The following ELP1 variants were observed in gnomAD, a reference collection of about 807,000 sequenced individuals.
ELP1 encodes the protein elongator complex protein 1.
ELP1 carries 131 observed loss-of-function variants against 183.2 expected under a neutral mutation model. The ratio of observed to expected loss-of-function variants is 0.72; its 90% CI spans 0.62 to 0.83. ELP1 has a LOEUF of 0.83. Ranked by LOEUF, ELP1 falls within the 40% of genes least tolerant of loss-of-function variation. The probability of loss-of-function intolerance (pLI) is 0.00; values close to 1 mark genes in which losing one functional copy is unlikely to be tolerated. For missense variants in ELP1, 1,550 were observed against 1,594.9 expected, an observed-to-expected ratio of 0.97 and a Z score of 0.48; for synonymous variants, 555 against 569.0, an observed-to-expected ratio of 0.98 and a Z score of 0.35.
chr9:108,930,526 T>C (rs902734686), intron 2 of ELP1, among the ~76,000 whole-genome samples: 1 of 151,782 alleles, frequency 6.6e-6, no homozygotes, highest in African/African-American at 2.4e-5. Flanking sequence ...GCACATCTAC[T>C]AAAAATACAA....
At chr9:108,900,235 T>C in intron 19 of ELP1, 25 bp downstream of exon 19, 2 of 1,480,314 alleles carry the variant, frequency 1.4e-6, no homozygotes, top group Non-Finnish European at 1.9e-6. Flanking sequence ...TCAGACTATC[T>C]ATCTTGTCTG....
intron 29 of ELP1, among the ~76,000 whole-genome samples, chr9:108,882,594 CTTTT>C (rs534835923): frequency 4.3e-4 from 59 of 136,578 alleles, no homozygotes; most frequent in African/African-American, 1.5e-3. Flanking sequence ...TTTTTTTGTT[CTTTT>C]TTTTTTTTTT....
chr9:108,918,100 C>T (rs925205325), intron 8 of ELP1, among the ~76,000 whole-genome samples: 1 of 152,194 alleles, frequency 6.6e-6, no homozygotes, highest in African/African-American at 2.4e-5. Flanking sequence ...TTGAAAACAT[C>T]TTAATTGCCT....
At chr9:108,930,690 C>CAAAAA (rs5899828) in intron 2 of ELP1, among the ~76,000 whole-genome samples, 1 of 72,600 alleles carries the variant, frequency 1.4e-5, no homozygotes, top group Non-Finnish European at 2.7e-5. Context: ...GACTCCGTCT[C>CAAAAA]AAAAAAAAAA....
intron 14 of ELP1, 58 bp downstream of exon 14, chr9:108,906,245 A>G (rs1829013601): frequency 6.3e-7 from 1 of 1,574,924 alleles, no homozygotes; most frequent in African/African-American, 1.3e-5. Context: ...TGCTCATAAA[A>G]GACAAAAACC....
intron 27 of ELP1, among the ~76,000 whole-genome samples, chr9:108,892,632 T>TA (rs1188089855): frequency 1.3e-5 from 2 of 152,026 alleles, no homozygotes; most frequent in Non-Finnish European, 2.9e-5. Context: ...GTGTGGTATA[T>TA]AAAAAAAGCT....
intron 10 of ELP1, 41 bp downstream of exon 10, chr9:108,916,163 G>A (rs759628823): frequency 8.9e-6 from 13 of 1,467,912 alleles, no homozygotes; most frequent in Non-Finnish European, 1.2e-5. Flanking sequence ...TTTCAACTAC[G>A]TTTTATGGGG....
At position 108,911,914 on chromosome 9, in the gene ELP1, T is replaced by G. The variant is rs952159063; in HGVS notation, c.1189+350A>C. 2.0e-5 allele frequency among the ~76,000 whole-genome samples: 3 copies of G among 152,126 alleles called. 1 individual carries two copies. The highest frequency in any genetic ancestry group is 2.0e-4 in the Admixed American group (3 of 15,268). On this transcript the variant is annotated intron_variant, in intron 11 of 36. Transcript: ENST00000374647. Reference sequence around the variant, plus strand: ...CAAGTGGGGTGGTATAAGGGTCAATTATAAATCTGTGTCAGGGCAAACAGA... The same window carrying G: ...CAAGTGGGGTGGTATAAGGGTCAATGATAAATCTGTGTCAGGGCAAACAGA...
At chr9:108,884,333 C>A (rs539367027) in intron 29 of ELP1, among the ~76,000 whole-genome samples, 1 of 152,208 alleles carries the variant, frequency 6.6e-6, no homozygotes, top group African/African-American at 2.4e-5. Flanking sequence ...CTTTCCCAGT[C>A]ATTGATAGAG....
At chr9:108,879,395 T>A (rs773496746) in intron 33 of ELP1, 51 bp downstream of exon 33, 61 of 1,371,016 alleles carry the variant, frequency 4.4e-5, no homozygotes, top group Non-Finnish European at 3.2e-5. Flanking sequence ...GCTTCCACTT[T>A]CCCTATATGC....
At chr9:108,877,816 C>A (rs1827758005) in intron 35 of ELP1, among the ~76,000 whole-genome samples, 179 bp downstream of exon 35, 1 of 152,208 alleles carries the variant, frequency 6.6e-6, no homozygotes, top group Non-Finnish European at 1.5e-5. Flanking sequence ...CCAAGGTATA[C>A]TAGTCACTCT....
At chr9:108,884,216 T>A (rs1047170922) in intron 29 of ELP1, among the ~76,000 whole-genome samples, 1 of 152,164 alleles carries the variant, frequency 6.6e-6, no homozygotes, top group Admixed American at 6.5e-5. Flanking sequence ...AATACATCTA[T>A]AACATACTCA....
chr9:108,879,520 G>C lies in ELP1; in HGVS notation c.3498C>G (p.Phe1166Leu), dbSNP rs764005359. 4 of 1,614,118 alleles carry C rather than the reference G, an allele frequency of 2.5e-6. No individual in the cohort carries two copies. The highest frequency in any genetic ancestry group is 3.4e-6 in the Non-Finnish European group (4 of 1,179,978). Residue 1166 changes from phenylalanine (F) to leucine (L), a missense_variant, in exon 33 of 37, where the codon TTC (phenylalanine) becomes TTG (leucine). Transcript: ENST00000374647. ...EVPHGQESDL[F>L]SETSSVVSGS... ...CACTCACGACACTGCTAGTTTCAGA[G>C]AAGAGGTCTGACTCTTGCCCGTGGG...
At chr9:108,880,923 G>T (rs1827903939) in intron 31 of ELP1, among the ~76,000 whole-genome samples, 1 of 152,200 alleles carries the variant, frequency 6.6e-6, no homozygotes, top group Admixed American at 6.5e-5. Context: ...GTAAATGTCA[G>T]AAAGGCCAGA....
rs1827771736 is a variant in ELP1 at position 108,878,129 on chromosome 9, T to C, written c.3721A>G (p.Lys1241Glu). The stretch of plus-strand genomic sequence containing the variant: ...TCAAACTCAAAGAGAAAGAGTACCT[T>C]TAAAATATGGTATACTTCATCTAGA... ...NLKDEVYHIL[K>E]VLFLFEFDEQ... Residue 1241 changes from lysine (K) to glutamate (E), a missense_variant, in exon 35 of 37, where the codon AAG (lysine) becomes GAG (glutamate). Lys to Glu is a moderately conservative substitution (Grantham distance 56). Coordinates refer to ENST00000374647, the MANE Select transcript of ELP1 (RefSeq NM_003640.5). The C allele has an allele frequency of 6.2e-7, 1 of 1,610,038 alleles. No homozygotes were observed. Among genetic ancestry groups the C allele is most frequent in the African/African-American group, 1.3e-5 (1 of 74,818 alleles).
chr9:108,886,260 T>C (rs1413328429), intron 29 of ELP1, among the ~76,000 whole-genome samples: 1 of 152,152 alleles, frequency 6.6e-6, no homozygotes, highest in African/African-American at 2.4e-5. Context: ...TAGACTCTCA[T>C]ACCAATTCTA....
rs200258457 is a variant in ELP1 at position 108,889,311 on chromosome 9, G to C, written c.3222+21C>G. The C allele has an allele frequency of 6.2e-6, 10 of 1,610,576 alleles. No homozygotes were observed. In the African/African-American group the frequency reaches 6.7e-5, roughly 11 times the overall value. On this transcript the variant is annotated intron_variant, in intron 29 of 36. Coordinates refer to ENST00000374647, the MANE Select transcript of ELP1 (RefSeq NM_003640.5). ...CCTTTCTTGCTGACTGGGGGGTTTA[G>C]AAGGGAGGAATTGAGTTTACCTGGG...
rs369663142 is a variant in ELP1, at chr9:108,900,299, A to C, written c.2091T>G (p.Ile697Met). 14 of 1,614,180 alleles carry C rather than the reference A, an allele frequency of 8.7e-6. No individual in the cohort carries two copies. In the African/African-American group the frequency reaches 1.5e-4, roughly 17 times the overall value. ...TTGTGTCCTGGGGCACAACAGTGAC[A>C]ATCCGTGAACCCCTCTCCACTTTCC... ...VLRKVERGSRIVTVVPQDTKL... is the reference protein window; with the variant it reads ...VLRKVERGSRMVTVVPQDTKL... Residue 697 changes from isoleucine (I) to methionine (M), a missense_variant, in exon 19 of 37, where the codon ATT (isoleucine) becomes ATG (methionine). Physicochemically the swap from Ile to Met is conservative, Grantham distance 10. Transcript: ENST00000374647.
chr9:108,910,830 T>TAAAAAAAA (rs11431875), intron 12 of ELP1, among the ~76,000 whole-genome samples, 180 bp downstream of exon 12: 1 of 140,638 alleles, frequency 7.1e-6, no homozygotes. Flanking sequence ...AGTATAGGAT[T>TAAAAAAAA]AAAAAAAAAA....
Sources: gnomAD v4.1 joint callset for allele counts (sites outside exome capture counted in the v4.1 genomes callset) on GRCh38, gnomAD v4.1.1 for gene constraint, MANE v1.5 for transcripts, NCBI Gene and HGNC (gene_info 2026-07-23, HGNC 2026-07-21) for gene names.